PACSIN1: variants seen among roughly 807,000 people sequenced by gnomAD.
The protein encoded by PACSIN1 is protein kinase C and casein kinase substrate in neurons 1.
PACSIN1 carries 15 observed loss-of-function variants against 59.5 expected under a neutral mutation model. The observed-to-expected ratio is 0.25, with a 90% confidence interval of 0.17 to 0.39. The LOEUF (loss-of-function observed/expected upper bound fraction) is 0.39. Among genes scored for constraint, PACSIN1 ranks in the 10% least tolerant of loss-of-function variants. The pLI, the probability that PACSIN1 is intolerant of heterozygous loss-of-function variation, is 1.00. For missense variants in PACSIN1, 420 were observed against 580.2 expected (o/e 0.72, Z 2.84); for synonymous variants, 210 against 220.6 (o/e 0.95, Z 0.42).
At chr6:34,513,024 C>T (rs1394702645) in intron 1 of PACSIN1, among the ~76,000 whole-genome samples, 3 of 152,096 alleles carry the variant, frequency 2.0e-5, no homozygotes, top group Non-Finnish European at 4.4e-5. Context: ...CTGGGCTTTC[C>T]GAGAACCCAC....
Position 34,530,401 on chromosome 6 carries a change from G to C in PACSIN1, c.909+38G>C. The C allele has an allele frequency of 3.1e-6, 5 of 1,608,030 alleles. No homozygotes were observed. The highest frequency in any genetic ancestry group is 4.3e-6 in the Non-Finnish European group (5 of 1,175,554). On this transcript the variant is annotated intron_variant, in intron 7 of 9. Transcript: ENST00000244458. The surrounding 1 kb of genome is among the most constrained non-coding windows in gnomAD (Gnocchi z 4.4). ...GGGGATGGGAAGGGGAGCCTGAAGA[G>C]GCTGAAAGGTGCCTCAGGGCATAGT...
chr6:34,476,956 G>A (rs1766646893), intron 1 of PACSIN1, among the ~76,000 whole-genome samples: 1 of 152,180 alleles, frequency 6.6e-6, no homozygotes, highest in Non-Finnish European at 1.5e-5. Context: ...AGTAGCTCGG[G>A]GGTGGGCACT....
In PACSIN1 at chr6:34,514,159, G is replaced by A. The variant is rs747299088; in HGVS notation, c.-63-12084G>A. ...AATGGGCGTTTGTATCTGTAAGTGT[G>A]TTGTTGGGGTGCACATGTCCTGGAC... On this transcript the variant is annotated intron_variant, in intron 1 of 9. Coordinates refer to ENST00000244458, the MANE Select transcript of PACSIN1 (RefSeq NM_020804.5). This position sits in a 1 kb window ranked among gnomAD's most constrained non-coding sequence, Gnocchi z 4.4. Among the ~76,000 whole-genome samples the A allele has an allele frequency of 2.2e-4, 34 of 152,308 alleles. No individual in the cohort carries two copies. The highest frequency in any genetic ancestry group is 8.5e-4 in the Admixed American group (13 of 15,296).
intron 1 of PACSIN1, among the ~76,000 whole-genome samples, chr6:34,491,907 C>T (rs1353045553): frequency 6.6e-6 from 1 of 152,126 alleles, no homozygotes; most frequent in Non-Finnish European, 1.5e-5. Flanking sequence ...CCACCGCGCC[C>T]GGCCCCCACA....
rs78425479 is a variant in PACSIN1, at chr6:34,516,264, A to G, written c.-63-9979A>G. On this transcript the variant is annotated intron_variant, in intron 1 of 9. Transcript: ENST00000244458. This position sits in a 1 kb window ranked among gnomAD's most constrained non-coding sequence, Gnocchi z 5.4. The stretch of plus-strand genomic sequence containing the variant: ...GGGGTCACATGATGGGTAGGGGCAT[A>G]CACGCTGAGAAGCTGGCGTGGCTCT... Among the ~76,000 whole-genome samples the G allele has an allele frequency of 0.015, 2,352 of 152,182 alleles. 46 individuals are homozygous for G. The highest frequency in any genetic ancestry group is 0.049 in the African/African-American group (2,035 of 41,504).
At position 34,471,064 on chromosome 6, in the gene PACSIN1, G is replaced by A. The variant is rs955913630; in HGVS notation, c.-64+4794G>A. On this transcript the variant is annotated intron_variant, in intron 1 of 9. Transcript: ENST00000244458. The stretch of plus-strand genomic sequence containing the variant: ...AGGTTCAAGTGATTCTCCTGCCTCA[G>A]CCTCCTGAGTAGCTGAGATTACAGG... 3.9e-5 allele frequency among the ~76,000 whole-genome samples: 6 copies of A among 152,148 alleles called. No homozygotes were observed. The South Asian group carries it at 1.2e-3, about 32-fold the overall frequency.
intron 2 of PACSIN1, 102 bp from the exon 3 acceptor site, chr6:34,527,230 G>A (rs1767504600): frequency 8.4e-7 from 1 of 1,193,708 alleles, no homozygotes; most frequent in Non-Finnish European, 1.1e-6. Flanking sequence ...CGTAAGCGGG[G>A]AGGCGGGGCG....
At chr6:34,474,161 T>C (rs1766607088) in intron 1 of PACSIN1, among the ~76,000 whole-genome samples, 1 of 152,194 alleles carries the variant, frequency 6.6e-6, no homozygotes. Context: ...ATTTTGTTGA[T>C]TGCATCCCTG....
At chr6:34,485,175 T>G (rs571242998) in intron 1 of PACSIN1, 93 of 152,276 alleles carry the variant, frequency 6.1e-4, no homozygotes, top group African/African-American at 1.9e-3. Flanking sequence ...TTTCAGCAGG[T>G]GTGTGATGTG....
At chr6:34,466,901 C>T (rs1021933451) in intron 1 of PACSIN1, among the ~76,000 whole-genome samples, 1 of 152,124 alleles carries the variant, frequency 6.6e-6, no homozygotes, top group Admixed American at 6.5e-5. Flanking sequence ...TGCCTCTGCC[C>T]CTTATTTTCA....
chr6:34,467,425 T>C (rs903519628), intron 1 of PACSIN1, among the ~76,000 whole-genome samples: 1 of 152,186 alleles, frequency 6.6e-6, no homozygotes, highest in Admixed American at 6.5e-5. Context: ...AATGAGTGAA[T>C]GTAAACTCTG....
intron 1 of PACSIN1, among the ~76,000 whole-genome samples, chr6:34,524,295 G>C (rs1355125537): frequency 6.6e-6 from 1 of 152,084 alleles, no homozygotes; most frequent in African/African-American, 2.4e-5. Flanking sequence ...AGCTCCCTCA[G>C]CTCTCCCCCA....
chr6:34,485,337 G>T (rs1261302911), intron 1 of PACSIN1, among the ~76,000 whole-genome samples: 1 of 152,188 alleles, frequency 6.6e-6, no homozygotes, highest in East Asian at 1.9e-4. Flanking sequence ...AGGGGGTGAG[G>T]GTGGAAGCAG....
At chr6:34,491,274 G>C (rs1239807391) in intron 1 of PACSIN1, among the ~76,000 whole-genome samples, 2 of 152,122 alleles carry the variant, frequency 1.3e-5, no homozygotes, top group African/African-American at 2.4e-5. Context: ...AGTGCACGCG[G>C]GCCCCAGCAC....
At chr6:34,478,091 G>A (rs552021486) in intron 1 of PACSIN1, among the ~76,000 whole-genome samples, 15 of 130,484 alleles carry the variant, frequency 1.1e-4, no homozygotes, top group Non-Finnish European at 2.2e-4. Context: ...ACAAAGTCTC[G>A]CTCTGACGCC....
chr6:34,491,225 T>C (rs1232958190), intron 1 of PACSIN1, among the ~76,000 whole-genome samples: 3 of 152,094 alleles, frequency 2.0e-5, no homozygotes, highest in Non-Finnish European at 4.4e-5. Context: ...GGCCTTAAAT[T>C]AGTGATGAGT....
intron 1 of PACSIN1, among the ~76,000 whole-genome samples, chr6:34,496,232 C>T (rs1471646587): frequency 6.6e-6 from 1 of 152,206 alleles, no homozygotes; most frequent in Non-Finnish European, 1.5e-5. Flanking sequence ...ATAATTGCTG[C>T]GGTAATTATG....
chr6:34,526,815 C>G lies in PACSIN1; in HGVS notation c.63+447C>G, dbSNP rs976909710. Among the ~76,000 whole-genome samples, 4 of 152,156 alleles carry G rather than the reference C, an allele frequency of 2.6e-5. No individual in the cohort carries two copies. In the East Asian group the frequency reaches 7.7e-4, roughly 29 times the overall value. On this transcript the variant is annotated intron_variant, in intron 2 of 9. Transcript: ENST00000244458. The stretch of plus-strand genomic sequence containing the variant: ...AGCCAGAAGCCAGCATTTTCAGAAC[C>G]TTCGGAAATATTTGAGACCTGGAGA...
intron 1 of PACSIN1, among the ~76,000 whole-genome samples, chr6:34,501,237 G>T (rs1049647837): frequency 6.6e-6 from 1 of 152,208 alleles, no homozygotes; most frequent in African/African-American, 2.4e-5. Context: ...AGCCACTGAG[G>T]CTGGCCTCCA....
Sources: allele counts gnomAD v4.1 joint callset (sites outside exome capture counted in the v4.1 genomes callset), GRCh38; gene constraint gnomAD v4.1.1; non-coding constraint Gnocchi (gnomAD v3.1); transcripts MANE v1.5; gene names NCBI Gene and HGNC (gene_info 2026-07-23, HGNC 2026-07-21).